The following NRXN3 variants were observed in gnomAD, a reference collection of about 807,000 sequenced individuals.
The protein encoded by NRXN3 is neurexin III.
NRXN3 carries 32 observed loss-of-function variants against 137.6 expected under a neutral mutation model. The observed-to-expected ratio is 0.23, with a 90% CI of 0.18 to 0.31. The LOEUF is 0.31. NRXN3 is among the 10% of genes least tolerant of loss of function. NRXN3 has a pLI of 1.00. For missense variants in NRXN3, 1,574 were observed against 2,062.5 expected, an observed-to-expected ratio of 0.76 and a Z score of 4.59; for synonymous variants, 798 against 784.5, an observed-to-expected ratio of 1.02 and a Z score of -0.29.
chr14:79,846,233 G>C (rs2099371200), intron 20 of NRXN3, among the ~76,000 whole-genome samples: 1 of 152,208 alleles, frequency 6.6e-6, no homozygotes, highest in Non-Finnish European at 1.5e-5. Flanking sequence ...AAATGTATCT[G>C]TGAAGCACAG....
intron 15 of NRXN3, among the ~76,000 whole-genome samples, chr14:79,202,582 C>G (rs1169502446): frequency 6.6e-6 from 1 of 152,076 alleles, no homozygotes; most frequent in African/African-American, 2.4e-5. Flanking sequence ...ACTGTAATAC[C>G]TTTGCGTCCT....
chr14:78,721,701 G>A (rs752809579), intron 8 of NRXN3, among the ~76,000 whole-genome samples: 2 of 152,010 alleles, frequency 1.3e-5, no homozygotes, highest in Non-Finnish European at 2.9e-5. Context: ...TTAACGAATC[G>A]AACCTTAGAT....
At chr14:79,808,250 AAAAAAAT>A (rs1291160282) in intron 20 of NRXN3, among the ~76,000 whole-genome samples, 12 of 134,956 alleles carry the variant, frequency 8.9e-5, no homozygotes, top group African/African-American at 3.8e-4. Context: ...TAAAAAAAAA[AAAAAAAT>A]ATATATATAT....
At chr14:79,238,279 G>A (rs552405089) in intron 15 of NRXN3, among the ~76,000 whole-genome samples, 14 of 138,706 alleles carry the variant, frequency 1.0e-4, no homozygotes, top group Middle Eastern at 3.6e-3. Flanking sequence ...GACATATTGC[G>A]TGTATAAATA....
intron 7 of NRXN3, among the ~76,000 whole-genome samples, chr14:78,711,709 G>A (rs952946007): frequency 6.6e-6 from 1 of 152,022 alleles, no homozygotes. Flanking sequence ...CCAAAGTGCT[G>A]GGATTACAGG....
rs574022540 is a variant in NRXN3, at chr14:79,241,511, C to T, written c.3263-225710C>T. On this transcript the variant is annotated intron_variant, in intron 15 of 20. Coordinates refer to ENST00000335750, the MANE Select transcript of NRXN3 (RefSeq NM_001330195.2). ...ACTCCCATTTATATAACCATCAGAT[C>T]TCATGAGATTTATTCACTACCACGA... is the stretch of plus-strand genomic sequence containing the variant. 4.4e-3 allele frequency among the ~76,000 whole-genome samples: 674 copies of T among 152,194 alleles called. 4 individuals carry two copies. Among genetic ancestry groups the T allele is most frequent in the Non-Finnish European group, 7.9e-3 (537 of 68,004 alleles).
chr14:78,978,599 CAT>C (rs1407035599), intron 14 of NRXN3, among the ~76,000 whole-genome samples: 1 of 151,450 alleles, frequency 6.6e-6, no homozygotes, highest in African/African-American at 2.4e-5. Context: ...GGGTCCAAGA[CAT>C]ATATTCAGCT....
At chr14:79,168,209 A>G (rs2061453401) in intron 15 of NRXN3, among the ~76,000 whole-genome samples, 1 of 151,976 alleles carries the variant, frequency 6.6e-6, no homozygotes, top group Non-Finnish European at 1.5e-5. Flanking sequence ...GAGCAAATCT[A>G]TTGGCAGGGG....
intron 16 of NRXN3, among the ~76,000 whole-genome samples, chr14:79,545,706 G>A (rs1488013436): frequency 6.6e-6 from 1 of 151,550 alleles, no homozygotes; most frequent in Admixed American, 6.6e-5. Flanking sequence ...ACCAGGAAAT[G>A]GAGCCTGGTG....
At chr14:79,062,770 C>T (rs1037713332) in intron 15 of NRXN3, among the ~76,000 whole-genome samples, 1 of 152,180 alleles carries the variant, frequency 6.6e-6, no homozygotes, top group African/African-American at 2.4e-5. Flanking sequence ...GTTTGTAACA[C>T]TCATGTGTTT....
intron 15 of NRXN3, among the ~76,000 whole-genome samples, chr14:79,173,254 G>A (rs1053997441): frequency 2.0e-5 from 3 of 152,014 alleles, no homozygotes; most frequent in African/African-American, 7.2e-5. Context: ...TTTAGGCCAG[G>A]CACGGTGGCT....
At chr14:79,030,966 G>C (rs1301521246) in intron 15 of NRXN3, among the ~76,000 whole-genome samples, 1 of 151,864 alleles carries the variant, frequency 6.6e-6, no homozygotes, top group Non-Finnish European at 1.5e-5. Context: ...CCTACTTTTG[G>C]AGAATAGCGA....
chr14:78,554,975 G>A (rs118084318), intron 4 of NRXN3, among the ~76,000 whole-genome samples: 2,070 of 152,176 alleles, frequency 0.014, 37 homozygotes, highest in African/African-American at 0.041. Context: ...GAACAGTCGA[G>A]AGCATGGGCT....
chr14:79,111,551 C>G (rs1289866340), intron 15 of NRXN3, among the ~76,000 whole-genome samples: 1 of 152,024 alleles, frequency 6.6e-6, no homozygotes, highest in East Asian at 1.9e-4. Flanking sequence ...CCAGCCTGGT[C>G]AACATGGTGA....
At position 79,352,034 on chromosome 14, in the gene NRXN3, A is replaced by G. The variant is rs147167350; in HGVS notation, c.3263-115187A>G. On this transcript the variant is annotated intron_variant, in intron 15 of 20. Transcript: ENST00000335750. ...TGAGTTAGAAGTGTCAAAATGGTAG[A>G]ACAAGTTAAGCAAGATTGCATTCCC... Among the ~76,000 whole-genome samples, 557 of 152,334 alleles carry G rather than the reference A, an allele frequency of 3.7e-3. 4 individuals carry two copies. Among genetic ancestry groups the G allele is most frequent in the Non-Finnish European group, 6.4e-3 (433 of 68,016 alleles).
intron 15 of NRXN3, among the ~76,000 whole-genome samples, chr14:79,457,998 T>C (rs575807225): frequency 1.3e-5 from 2 of 152,306 alleles, no homozygotes; most frequent in Admixed American, 1.3e-4. Flanking sequence ...TTGTTTTTCC[T>C]TTATTCATTT....
At chr14:78,194,041 C>T (rs1214270340) in intron 1 of NRXN3, among the ~76,000 whole-genome samples, 1 of 152,214 alleles carries the variant, frequency 6.6e-6, no homozygotes, top group African/African-American at 2.4e-5. Context: ...GGGGCTGTGT[C>T]TATACTCCAT....
chr14:79,536,190 C>T (rs74068008), intron 16 of NRXN3, among the ~76,000 whole-genome samples: 87 of 152,120 alleles, frequency 5.7e-4, no homozygotes, highest in African/African-American at 2.0e-3. Context: ...AGAATCATGC[C>T]ATATGTTGGA....
intron 16 of NRXN3, among the ~76,000 whole-genome samples, chr14:79,643,985 A>G (rs1044059684): frequency 7.4e-6 from 1 of 135,932 alleles, no homozygotes; most frequent in Non-Finnish European, 1.7e-5. Context: ...TTATCTTTAT[A>G]TCTTTAGATT....
Sources: allele counts gnomAD v4.1 joint callset (sites outside exome capture counted in the v4.1 genomes callset), GRCh38; gene constraint gnomAD v4.1.1; transcripts MANE v1.5; gene names NCBI Gene and HGNC (gene_info 2026-07-23, HGNC 2026-07-21).